Variants in CDC42SE2 observed in about 807,000 individuals in gnomAD.
The protein encoded by CDC42SE2 is CDC42 small effector 2, also known as CDC42 small effector protein 2.
Under a neutral mutation model 11.5 loss-of-function variants are expected in CDC42SE2, and 3 were observed. The ratio of observed to expected loss-of-function variants is 0.26; its 90% CI spans 0.12 to 0.67. CDC42SE2 has a LOEUF of 0.67. Ranked by LOEUF, CDC42SE2 falls within the 30% of genes least tolerant of loss-of-function variation. CDC42SE2 has a pLI of 0.80. For missense variants in CDC42SE2, 82 were observed against 106.8 expected, an observed-to-expected ratio of 0.77 and a Z score of 1.02; for synonymous variants, 33 against 34.8, an observed-to-expected ratio of 0.95 and a Z score of 0.18.
rs1265646138 is a variant in CDC42SE2, at chr5:131,329,898, AAAAAAAAAAAAAAAAAAAAAAAAAG to A, written c.-286+13757_-286+13781del. On this transcript the variant is annotated intron_variant, in intron 2 of 4. Transcript: ENST00000505065. ...CCATCTCAAAAAAAAAAAAAAAAAA[AAAAAAAAAAAAAAAAAAAAAAAAAG>A]AAGAAGCGCTCCAGTTATCTATCAC... Among the ~76,000 whole-genome samples, 7 of 48,492 alleles carry A rather than the reference AAAAAAAAAAAAAAAAAAAAAAAAAG, an allele frequency of 1.4e-4. No individual in the cohort carries two copies. The African/African-American group carries it at 2.9e-3, about 20-fold the overall frequency. 31.8% of individuals were successfully genotyped at this position (48,492 alleles called of 152,430 possible).
At chr5:131,369,533 C>T (rs1367168696) in intron 3 of CDC42SE2, among the ~76,000 whole-genome samples, 1 of 152,142 alleles carries the variant, frequency 6.6e-6, no homozygotes, top group Non-Finnish European at 1.5e-5. Context: ...ACATTCCCAC[C>T]AGCTGTTTGA....
the CDC42SE2 span, among the ~76,000 whole-genome samples, chr5:131,235,179 G>A: frequency 2.0e-5 from 3 of 151,924 alleles, no homozygotes; most frequent in Admixed American, 1.3e-4. Context: ...GTGAGCCACC[G>A]CGCCTGGCCA....
chr5:131,283,710 C>T (rs1417958787), intron 1 of CDC42SE2, among the ~76,000 whole-genome samples: 1 of 152,004 alleles, frequency 6.6e-6, no homozygotes, highest in Non-Finnish European at 1.5e-5. Context: ...TCAGGCTGGT[C>T]TTGAACTCCC....
chr5:131,241,616 T>A (rs1413786713), upstream of CDC42SE2, among the ~76,000 whole-genome samples: 1 of 152,094 alleles, frequency 6.6e-6, no homozygotes, highest in Non-Finnish European at 1.5e-5. Flanking sequence ...TTCCCCTTTA[T>A]TGAGCACACC....
chr5:131,287,694 G>A (rs1258171890), intron 1 of CDC42SE2, among the ~76,000 whole-genome samples: 2 of 151,352 alleles, frequency 1.3e-5, no homozygotes, highest in Non-Finnish European at 2.9e-5. Context: ...GGCTGGTCTC[G>A]AACTACTAGG....
upstream of CDC42SE2, among the ~76,000 whole-genome samples, chr5:131,244,726 G>A (rs6870252): frequency 0.083 from 12,676 of 152,060 alleles, 1,141 homozygotes; most frequent in African/African-American, 0.23. Context: ...AAAAAAAAGA[G>A]GGGCTGCTGA....
At chr5:131,275,200 T>G (rs1351120183) in intron 1 of CDC42SE2, among the ~76,000 whole-genome samples, 2 of 152,058 alleles carry the variant, frequency 1.3e-5, no homozygotes, top group Non-Finnish European at 2.9e-5. Flanking sequence ...AAACCTATTT[T>G]GGGCTTGCGC....
the CDC42SE2 span, among the ~76,000 whole-genome samples, chr5:131,222,610 CTTGCTT>C: frequency 6.6e-6 from 1 of 152,220 alleles, no homozygotes; most frequent in Non-Finnish European, 1.5e-5. Context: ...TGCTGCTGCA[CTTGCTT>C]TTGTATTTCT....
intron 1 of CDC42SE2, among the ~76,000 whole-genome samples, chr5:131,312,870 C>G (rs1474814387): frequency 6.6e-6 from 1 of 152,210 alleles, no homozygotes; most frequent in African/African-American, 2.4e-5. Context: ...AACCCAGTAC[C>G]TCAGATGGAA....
At chr5:131,337,594 T>G (rs1009542064) in intron 2 of CDC42SE2, among the ~76,000 whole-genome samples, 2 of 152,212 alleles carry the variant, frequency 1.3e-5, no homozygotes, top group African/African-American at 4.8e-5. Context: ...AGGCAGGCCT[T>G]CTTGAGCTGT....
At chr5:131,364,814 G>A (rs189216724) in intron 3 of CDC42SE2, among the ~76,000 whole-genome samples, 11 of 152,278 alleles carry the variant, frequency 7.2e-5, no homozygotes, top group Admixed American at 7.2e-4. Context: ...TAGTCAGGGT[G>A]GGGGCATGAG....
intron 1 of CDC42SE2, among the ~76,000 whole-genome samples, chr5:131,266,434 C>T (rs561738306): frequency 5.0e-4 from 74 of 147,488 alleles, no homozygotes; most frequent in African/African-American, 1.6e-3. Context: ...AGATTTTGGA[C>T]TTACCGGCTA....
intron 2 of CDC42SE2, among the ~76,000 whole-genome samples, chr5:131,345,131 A>G (rs911063249): frequency 6.6e-6 from 1 of 152,240 alleles, no homozygotes; most frequent in African/African-American, 2.4e-5. Context: ...CAGCAACGGA[A>G]CAAAGCTGGA....
At chr5:131,265,551 A>G (rs1756842517) in intron 1 of CDC42SE2, among the ~76,000 whole-genome samples, 1 of 152,190 alleles carries the variant, frequency 6.6e-6, no homozygotes, top group Non-Finnish European at 1.5e-5. Context: ...AAAATCCGCA[A>G]TTATCCTTTT....
chr5:131,226,993 C>G, the CDC42SE2 span, among the ~76,000 whole-genome samples: 1 of 152,146 alleles, frequency 6.6e-6, no homozygotes, highest in African/African-American at 2.4e-5. Flanking sequence ...ATGATTCTAG[C>G]TACATATAGT....
chr5:131,337,162 C>G (rs557478021), intron 2 of CDC42SE2, among the ~76,000 whole-genome samples: 2 of 152,286 alleles, frequency 1.3e-5, no homozygotes, highest in South Asian at 2.1e-4. Context: ...GATGTCCTTT[C>G]TGTTTGTTAG....
chr5:131,345,104 G>A (rs751105415), intron 2 of CDC42SE2, among the ~76,000 whole-genome samples: 2 of 152,180 alleles, frequency 1.3e-5, no homozygotes, highest in African/African-American at 2.4e-5. Flanking sequence ...CTCTTCCAAA[G>A]GAATGCAACT....
chr5:131,311,626 A>G (rs1459523758), intron 1 of CDC42SE2, among the ~76,000 whole-genome samples: 2 of 152,118 alleles, frequency 1.3e-5, no homozygotes, highest in Non-Finnish European at 2.9e-5. Flanking sequence ...ATATTTCTTG[A>G]AGACTTTGCT....
At chr5:131,265,313 A>G (rs988185712) in intron 1 of CDC42SE2, among the ~76,000 whole-genome samples, 6 of 152,168 alleles carry the variant, frequency 3.9e-5, no homozygotes, top group Non-Finnish European at 7.3e-5. Context: ...AAAATAATGG[A>G]GAAGATAAAG....
Sources: allele counts gnomAD v4.1 joint callset (sites outside exome capture counted in the v4.1 genomes callset), GRCh38; gene constraint gnomAD v4.1.1; transcripts MANE v1.5; gene names NCBI Gene and HGNC (gene_info 2026-07-23, HGNC 2026-07-21).